The following SCN11A variants were observed in gnomAD, a reference collection of about 807,000 sequenced individuals.
The protein encoded by SCN11A is sodium channel protein type 11 subunit alpha.
A neutral mutation model predicts 162.2 loss-of-function variants in SCN11A; 122 were observed. The ratio of observed to expected loss-of-function variants is 0.75; its 90% CI spans 0.65 to 0.87. SCN11A has a LOEUF of 0.87. Ranked by LOEUF, SCN11A falls within the 40% of genes least tolerant of loss-of-function variation. The pLI, the probability that SCN11A is intolerant of heterozygous loss-of-function variation, is 0.00. For missense variants in SCN11A, 2,015 were observed against 2,181.6 expected (o/e 0.92, Z 1.52); for synonymous variants, 758 against 751.5 (o/e 1.01, Z -0.14).
intron 2 of SCN11A, among the ~76,000 whole-genome samples, chr3:38,990,693 A>T (rs2030425186): frequency 6.6e-6 from 1 of 152,100 alleles, no homozygotes; most frequent in Admixed American, 6.5e-5. Flanking sequence ...TAACACATTC[A>T]TTCCTCCCCA....
At chr3:39,026,859 A>T (rs1161965450) in intron 2 of SCN11A, among the ~76,000 whole-genome samples, 1 of 152,194 alleles carries the variant, frequency 6.6e-6, no homozygotes, top group African/African-American at 2.4e-5. Flanking sequence ...ACACTAACTC[A>T]GCAGGATTCT....
intron 1 of SCN11A, among the ~76,000 whole-genome samples, chr3:39,048,755 T>C (rs1242853630): frequency 2.6e-5 from 4 of 152,226 alleles, no homozygotes; most frequent in Non-Finnish European, 4.4e-5. Flanking sequence ...ACTTCCACTG[T>C]GAGTTTAGAA....
intron 19 of SCN11A, 134 bp downstream of exon 19, chr3:38,894,399 C>G (rs527546017): frequency 3.6e-5 from 26 of 724,518 alleles, no homozygotes; most frequent in Non-Finnish European, 5.7e-5. Flanking sequence ...GAGATGTGCA[C>G]ATGGGTATCA....
At position 38,961,787 on chromosome 3, in the gene SCN11A, C is replaced by T. The variant is rs560917482; in HGVS notation, c.-279-1364G>A. On this transcript the variant is annotated intron_variant, in intron 2 of 29. Transcript: ENST00000302328. ...TTCTTTGTAGATTCTGGATATTAGA[C>T]CTTTGTCAAATGTATAGATGGTGAA... Among the ~76,000 whole-genome samples, 3 of 152,216 alleles carry T rather than the reference C, an allele frequency of 2.0e-5. No homozygotes were observed. In the South Asian group the frequency reaches 6.2e-4, roughly 32 times the overall value.
In SCN11A at chr3:38,846,900, T is replaced by C. The variant is rs912580113; in HGVS notation, c.5170A>G (p.Ile1724Val). 3 of 1,614,022 alleles carry C rather than the reference T, an allele frequency of 1.9e-6. No individual in the cohort carries two copies. Among genetic ancestry groups the C allele is most frequent in the African/African-American group, 1.3e-5 (1 of 74,932 alleles). The change falls in exon 30 of 30, where the codon ATA becomes GTA. Residue 1724 changes from isoleucine (I) to valine (V), a missense_variant. Physicochemically the swap from Ile to Val is conservative, Grantham distance 29. Transcript: ENST00000302328. ...ANPLKKLYEP[I>V]VTTTKRKEEE... ...TCCTTTCTCTTGGTGGTGGTGACTA[T>C]GGGTTCATACAACTTCTTGAGAGGA...
At chr3:38,905,762 A>C (rs1339210847) in intron 14 of SCN11A, among the ~76,000 whole-genome samples, 1 of 152,214 alleles carries the variant, frequency 6.6e-6, no homozygotes, top group African/African-American at 2.4e-5. Flanking sequence ...GCAGTTGTGA[A>C]GTGAACAACC....
intron 23 of SCN11A, among the ~76,000 whole-genome samples, chr3:38,878,191 T>TAAATAAATAAAC (rs1553634663): frequency 6.6e-6 from 1 of 151,440 alleles, no homozygotes; most frequent in African/African-American, 2.4e-5. Context: ...AATAAATAAA[T>TAAATAAATAAAC]AAACCCACCC....
At chr3:38,873,586 G>A (rs772457641) in intron 23 of SCN11A, among the ~76,000 whole-genome samples, 3 of 152,152 alleles carry the variant, frequency 2.0e-5, no homozygotes, top group Non-Finnish European at 4.4e-5. Context: ...GATGAAAACA[G>A]ATGGCAAAGT....
chr3:39,045,193 C>T (rs2032153380), intron 1 of SCN11A, among the ~76,000 whole-genome samples: 2 of 152,144 alleles, frequency 1.3e-5, no homozygotes. Context: ...ACCATGGCTT[C>T]AATGCTGAGT....
At chr3:38,964,459 C>T (rs568107047) in intron 2 of SCN11A, among the ~76,000 whole-genome samples, 1 of 152,294 alleles carries the variant, frequency 6.6e-6, no homozygotes, top group South Asian at 2.1e-4. Flanking sequence ...TGAGAAAGAA[C>T]AGGTGTGCTG....
At chr3:38,970,977 G>C (rs948268410) in intron 2 of SCN11A, among the ~76,000 whole-genome samples, 2 of 152,132 alleles carry the variant, frequency 1.3e-5, no homozygotes, top group African/African-American at 4.8e-5. Flanking sequence ...AGGCAGAGCT[G>C]CTACCAGAGC....
rs1309436881 is a variant in SCN11A at position 38,920,069 on chromosome 3, A to G, written c.893-68T>C. On this transcript the variant is annotated intron_variant, in intron 10 of 29. Transcript: ENST00000302328. Reference sequence around the variant, plus strand: ...ATTGAAAGGAAAGAGAATAGTAAGTATGCAGATTATGCTTGAAAATGGATG... The same window carrying G: ...ATTGAAAGGAAAGAGAATAGTAAGTGTGCAGATTATGCTTGAAAATGGATG... 5 of 1,170,304 alleles carry G rather than the reference A, an allele frequency of 4.3e-6. No homozygotes were observed. In the African/African-American group the frequency reaches 4.6e-5, roughly 11 times the overall value. 72.5% of individuals were successfully genotyped at this position (1,170,304 alleles called of 1,614,324 possible). A position where few individuals can be genotyped will look rare whatever the true frequency, so the allele number is the denominator to read the frequency against.
intron 2 of SCN11A, among the ~76,000 whole-genome samples, chr3:39,019,545 G>T (rs1214014370): frequency 6.6e-6 from 1 of 152,140 alleles, no homozygotes; most frequent in South Asian, 2.1e-4. Flanking sequence ...TGTGCACTGG[G>T]CAGGAAGAGT....
At chr3:38,876,080 C>T (rs908522716) in intron 23 of SCN11A, among the ~76,000 whole-genome samples, 2 of 151,968 alleles carry the variant, frequency 1.3e-5, no homozygotes, top group Admixed American at 6.6e-5. Flanking sequence ...AACCGATCTT[C>T]GACAAAGCAA....
chr3:38,994,031 T>C (rs1232016394), intron 2 of SCN11A, among the ~76,000 whole-genome samples: 1 of 152,202 alleles, frequency 6.6e-6, no homozygotes, highest in Non-Finnish European at 1.5e-5. Context: ...ATACTCTACA[T>C]GGACTTTTCT....
At chr3:38,910,043 AAG>A (rs2065863408) in intron 12 of SCN11A, 21 bp downstream of exon 12, 3 of 1,610,230 alleles carry the variant, frequency 1.9e-6, no homozygotes, top group Middle Eastern at 3.3e-4. Context: ...AGAGAGGAAA[AAG>A]AGAGACTATA....
chr3:38,865,021 T>G (rs1424096505), intron 27 of SCN11A, among the ~76,000 whole-genome samples: 1 of 152,210 alleles, frequency 6.6e-6, no homozygotes, highest in Non-Finnish European at 1.5e-5. Flanking sequence ...ATTGTGGTTA[T>G]GTTTAAAAAG....
At chr3:38,897,290 A>T in intron 17 of SCN11A, 65 bp from the exon 18 acceptor site, 1 of 1,495,698 alleles carries the variant, frequency 6.7e-7, no homozygotes. Flanking sequence ...CCATCTGCTC[A>T]TCTATAAAGC....
chr3:38,987,303 TCACACACACACACACACA>T (rs57092499), intron 2 of SCN11A, among the ~76,000 whole-genome samples: 3 of 104,400 alleles, frequency 2.9e-5, no homozygotes, highest in African/African-American at 1.2e-4. Flanking sequence ...TCTCTCTCTC[TCACACACACACACACACA>T]CACACACACA....
Sources: allele counts gnomAD v4.1 joint callset (sites outside exome capture counted in the v4.1 genomes callset), GRCh38; gene constraint gnomAD v4.1.1; transcripts MANE v1.5; gene names NCBI Gene and HGNC (gene_info 2026-07-23, HGNC 2026-07-21).